NR2F1-AS1: variants seen among roughly 807,000 people sequenced by gnomAD.
NR2F1-AS1 encodes the protein NR2F1 antisense RNA 1.
upstream of NR2F1-AS1, among the ~76,000 whole-genome samples, chr5:93,581,710 CT>C (rs1753046658): frequency 5.9e-5 from 4 of 68,326 alleles, no homozygotes; most frequent in African/African-American, 1.6e-4. Flanking sequence ...CTCTCTCTCT[CT>C]CTCTCTCTCT....
At chr5:93,554,465 C>T (rs1206551436) in intron 3 of NR2F1-AS1, among the ~76,000 whole-genome samples, 1 of 152,100 alleles carries the variant, frequency 6.6e-6, no homozygotes, top group Non-Finnish European at 1.5e-5. Context: ...GGAATTTTAT[C>T]AGTTTCTAGT....
At chr5:93,424,435 A>G (rs1749154679) in intron 4 of NR2F1-AS1, among the ~76,000 whole-genome samples, 1 of 151,714 alleles carries the variant, frequency 6.6e-6, no homozygotes, top group Non-Finnish European at 1.5e-5. Context: ...AGCCATATTT[A>G]TACTCCTTCT....
chr5:93,580,641 C>A, exon 1 of NR2F1-AS1: 1 of 153,440 alleles, frequency 6.5e-6, no homozygotes, highest in Non-Finnish European at 1.5e-5. Flanking sequence ...TTCCCTCGCC[C>A]TATCTCCCTC....
At chr5:93,549,453 G>A (rs1267726821) in intron 4 of NR2F1-AS1, among the ~76,000 whole-genome samples, 1 of 152,130 alleles carries the variant, frequency 6.6e-6, no homozygotes, top group African/African-American at 2.4e-5. Context: ...TTACATGGGG[G>A]TAAGTAAAGC....
At chr5:93,581,155 G>T (rs538260155), upstream of NR2F1-AS1, 5 of 152,262 alleles carry the variant, frequency 3.3e-5, no homozygotes, top group African/African-American at 1.2e-4. Context: ...TGTCAATACA[G>T]CGTGGCCATT....
intron 4 of NR2F1-AS1, among the ~76,000 whole-genome samples, chr5:93,429,771 AC>A (rs1229066154): frequency 6.6e-6 from 1 of 152,192 alleles, no homozygotes; most frequent in African/African-American, 2.4e-5. Context: ...TTGTGTTTCA[AC>A]CCTATTCATT....
In NR2F1-AS1 at chr5:93,561,091, T is replaced by C. The variant is rs567306006; in HGVS notation, n.413+2273A>G. On this transcript the variant is annotated intron_variant and non_coding_transcript_variant, in intron 2 of 5. Transcript: ENST00000660523. The stretch of plus-strand genomic sequence containing the variant: ...GAGTTCGAGACCAGCCTAACCAACA[T>C]GGAGAAACTCCATCTCTACTAAAAA... 3.9e-5 allele frequency among the ~76,000 whole-genome samples: 6 copies of C among 152,138 alleles called. No individual in the cohort carries two copies. In the South Asian group the frequency reaches 6.2e-4, roughly 16 times the overall value.
chr5:93,523,754 C>A (rs542530479), intron 4 of NR2F1-AS1, among the ~76,000 whole-genome samples: 1 of 152,254 alleles, frequency 6.6e-6, no homozygotes, highest in East Asian at 1.9e-4. Context: ...AGACCTGTAG[C>A]AGAGAAGCCT....
At chr5:93,570,689 C>T (rs1752735301) in intron 1 of NR2F1-AS1, 1 of 152,206 alleles carries the variant, frequency 6.6e-6, no homozygotes, top group African/African-American at 2.4e-5. Flanking sequence ...GGAGTGGTGG[C>T]CTTCTGCGGG....
At chr5:93,477,564 T>C (rs1750511670) in intron 4 of NR2F1-AS1, among the ~76,000 whole-genome samples, 1 of 152,168 alleles carries the variant, frequency 6.6e-6, no homozygotes, top group South Asian at 2.1e-4. Flanking sequence ...TTCACCAAAA[T>C]TCATATTTAA....
intron 4 of NR2F1-AS1, among the ~76,000 whole-genome samples, chr5:93,420,442 G>A (rs999237205): frequency 6.6e-5 from 10 of 152,174 alleles, no homozygotes; most frequent in Admixed American, 3.3e-4. Context: ...GTCTGAGAAA[G>A]TAGTTTTAGC....
intron 4 of NR2F1-AS1, among the ~76,000 whole-genome samples, chr5:93,476,193 T>C (rs1307131709): frequency 6.6e-6 from 1 of 152,214 alleles, no homozygotes; most frequent in African/African-American, 2.4e-5. Context: ...AATGTGAACA[T>C]GCATGTCATA....
intron 4 of NR2F1-AS1, among the ~76,000 whole-genome samples, chr5:93,521,571 T>G (rs568072686): frequency 1.4e-3 from 217 of 152,202 alleles, no homozygotes; most frequent in African/African-American, 5.0e-3. Flanking sequence ...CAGACGCTTT[T>G]CAAAAGAAGA....
intron 4 of NR2F1-AS1, among the ~76,000 whole-genome samples, chr5:93,469,827 A>G (rs1021390661): frequency 3.9e-5 from 6 of 152,074 alleles, no homozygotes; most frequent in African/African-American, 1.4e-4. Context: ...GTTAATATCA[A>G]TGCAAAAGGG....
intron 4 of NR2F1-AS1, among the ~76,000 whole-genome samples, chr5:93,515,247 A>G (rs1273526192): frequency 6.6e-6 from 1 of 151,912 alleles, no homozygotes; most frequent in Non-Finnish European, 1.5e-5. Context: ...ATTCTTTATT[A>G]TATCAAAATT....
intron 1 of NR2F1-AS1, chr5:93,570,979 A>C (rs17370695): frequency 0.043 from 6,611 of 152,194 alleles, 185 homozygotes; most frequent in Middle Eastern, 0.11. Context: ...ATTCGTTCGC[A>C]AGGGAGCGCC....
intron 1 of NR2F1-AS1, among the ~76,000 whole-genome samples, chr5:93,571,770 C>T (rs1752773973): frequency 6.7e-6 from 1 of 150,202 alleles, no homozygotes; most frequent in African/African-American, 2.5e-5. Flanking sequence ...TATCTTTTTC[C>T]AAAGGTAAAA....
At chr5:93,543,978 A>C (rs1752017163) in intron 4 of NR2F1-AS1, 1 of 152,334 alleles carries the variant, frequency 6.6e-6, no homozygotes, top group South Asian at 2.1e-4. Context: ...AGTGAAGAAA[A>C]TACTTGTAAT....
At chr5:93,582,034 G>C, upstream of NR2F1-AS1, among the ~76,000 whole-genome samples, 1 of 107,044 alleles carries the variant, frequency 9.3e-6, no homozygotes. Context: ...TATCTCGCGC[G>C]CTCTCCTCTC....
Sources: gnomAD v4.1 joint callset for allele counts (sites outside exome capture counted in the v4.1 genomes callset) on GRCh38, gnomAD v4.1.1 for gene constraint, MANE v1.5 for transcripts, NCBI Gene and HGNC (gene_info 2026-07-23, HGNC 2026-07-21) for gene names.